The following ZNF804B variants were observed in gnomAD, a reference collection of about 807,000 sequenced individuals.
The protein encoded by ZNF804B is zinc finger protein 804B.
ZNF804B carries 80 observed loss-of-function variants against 101.4 expected under a neutral mutation model. The ratio of observed to expected loss-of-function variants is 0.79; its 90% CI spans 0.66 to 0.95. ZNF804B has a LOEUF of 0.95. Among genes scored for constraint, ZNF804B ranks in the 40% least tolerant of loss-of-function variants. The pLI, the probability that ZNF804B is intolerant of heterozygous loss-of-function variation, is 0.00. For synonymous variants in ZNF804B, 622 were observed against 558.8 expected, an observed-to-expected ratio of 1.11 and a Z score of -1.59; for missense variants, 1,673 against 1,561.9, an observed-to-expected ratio of 1.07 and a Z score of -1.20.
intron 1 of ZNF804B, among the ~76,000 whole-genome samples, chr7:89,072,689 T>C (rs1789559664): frequency 1.3e-5 from 2 of 152,158 alleles, no homozygotes; most frequent in African/African-American, 2.4e-5. Flanking sequence ...CATGAGACTA[T>C]GTAAATATAA....
chr7:89,203,078 C>T (rs892741931), intron 1 of ZNF804B, among the ~76,000 whole-genome samples: 1 of 152,022 alleles, frequency 6.6e-6, no homozygotes, highest in Non-Finnish European at 1.5e-5. Flanking sequence ...TGGAGCCCAA[C>T]TCAGTATGGC....
chr7:89,030,415 A>G (rs1788811916), intron 1 of ZNF804B, among the ~76,000 whole-genome samples: 1 of 152,156 alleles, frequency 6.6e-6, no homozygotes, highest in African/African-American at 2.4e-5. Context: ...TAATATTGCT[A>G]TATCAGAGAG....
chr7:88,809,516 C>G (rs1206848160), intron 1 of ZNF804B, among the ~76,000 whole-genome samples: 1 of 151,972 alleles, frequency 6.6e-6, no homozygotes, highest in Non-Finnish European at 1.5e-5. Context: ...AAAATTGGGC[C>G]AATGATCAAT....
chr7:88,941,382 GATAA>G (rs995919560), intron 1 of ZNF804B, among the ~76,000 whole-genome samples: 13 of 152,056 alleles, frequency 8.5e-5, no homozygotes, highest in Middle Eastern at 3.4e-3. Flanking sequence ...TCGTTGAGTG[GATAA>G]ATAAACTGTA....
chr7:88,980,024 A>G (rs1013087766), intron 1 of ZNF804B, among the ~76,000 whole-genome samples: 3 of 150,602 alleles, frequency 2.0e-5, no homozygotes, highest in Non-Finnish European at 3.0e-5. Flanking sequence ...ATTCTTTAGT[A>G]TATAAGTTGG....
At chr7:89,099,655 T>C (rs1018343554) in intron 1 of ZNF804B, among the ~76,000 whole-genome samples, 1 of 152,174 alleles carries the variant, frequency 6.6e-6, no homozygotes, top group African/African-American at 2.4e-5. Flanking sequence ...TTTGGGGGTT[T>C]TTAGAGCTCT....
At chr7:88,862,426 A>G (rs1477887149) in intron 1 of ZNF804B, among the ~76,000 whole-genome samples, 1 of 152,150 alleles carries the variant, frequency 6.6e-6, no homozygotes, top group Non-Finnish European at 1.5e-5. Context: ...CCTAGGAATA[A>G]TGATGGAGGT....
intron 1 of ZNF804B, among the ~76,000 whole-genome samples, chr7:88,952,710 C>T (rs1793243687): frequency 1.3e-5 from 2 of 151,790 alleles, no homozygotes; most frequent in African/African-American, 2.4e-5. Flanking sequence ...AAACAAAAGA[C>T]ACCGTAATCT....
chr7:89,009,199 G>A (rs373866560), intron 1 of ZNF804B, among the ~76,000 whole-genome samples: 1 of 152,026 alleles, frequency 6.6e-6, no homozygotes, highest in South Asian at 2.1e-4. Flanking sequence ...CTATAACACA[G>A]CACTTTCTTG....
chr7:88,954,919 G>C (rs1026404919), intron 1 of ZNF804B, among the ~76,000 whole-genome samples: 2 of 151,530 alleles, frequency 1.3e-5, no homozygotes, highest in Admixed American at 6.6e-5. Context: ...GAATTATTAA[G>C]TATAGCGAGG....
In ZNF804B at chr7:89,330,849, A is replaced by G. The variant is rs948287055; in HGVS notation, c.381-2514A>G. On this transcript the variant is annotated intron_variant, in intron 3 of 3. Coordinates refer to ENST00000333190, the MANE Select transcript of ZNF804B (RefSeq NM_181646.5). ...GAGCAAAGAAATTTTAAAATATTTA[A>G]AAGAATGTAAAAAGAAGAAGCTTGC... Among the ~76,000 whole-genome samples the G allele has an allele frequency of 5.9e-5, 9 of 151,304 alleles. No homozygotes were observed. The South Asian group carries it at 6.2e-4, about 10-fold the overall frequency.
chr7:89,020,271 T>C (rs997480498), intron 1 of ZNF804B, among the ~76,000 whole-genome samples: 3 of 152,132 alleles, frequency 2.0e-5, no homozygotes, highest in African/African-American at 7.2e-5. Flanking sequence ...TTTTAGTTTT[T>C]CCTTGCCAGG....
intron 1 of ZNF804B, among the ~76,000 whole-genome samples, chr7:89,061,614 G>A (rs552352718): frequency 5.9e-5 from 9 of 152,140 alleles, no homozygotes; most frequent in East Asian, 3.9e-4. Flanking sequence ...AGTTCTAACC[G>A]TGTCATATCC....
intron 1 of ZNF804B, among the ~76,000 whole-genome samples, chr7:88,880,239 A>G (rs1198029745): frequency 6.6e-6 from 1 of 152,184 alleles, no homozygotes; most frequent in Non-Finnish European, 1.5e-5. Flanking sequence ...GCAGTTTGTA[A>G]TCTGAATTGT....
chr7:88,866,510 G>A (rs1254095060), intron 1 of ZNF804B, among the ~76,000 whole-genome samples: 1 of 152,174 alleles, frequency 6.6e-6, no homozygotes, highest in Non-Finnish European at 1.5e-5. Context: ...TTGTGAGAAT[G>A]ACTAATCTAG....
At chr7:89,278,379 C>A (rs1447361856) in intron 2 of ZNF804B, among the ~76,000 whole-genome samples, 2 of 150,902 alleles carry the variant, frequency 1.3e-5, no homozygotes, top group East Asian at 1.9e-4. Context: ...TCAATTTTGG[C>A]TTTTGTTGCC....
chr7:88,993,475 T>C (rs1424676618), intron 1 of ZNF804B, among the ~76,000 whole-genome samples: 1 of 151,986 alleles, frequency 6.6e-6, no homozygotes, highest in Non-Finnish European at 1.5e-5. Context: ...AAATACCTTG[T>C]TTATTCACTA....
chr7:89,074,045 A>G (rs1379535432), intron 1 of ZNF804B, among the ~76,000 whole-genome samples: 1 of 152,130 alleles, frequency 6.6e-6, no homozygotes, highest in Non-Finnish European at 1.5e-5. Flanking sequence ...AGGAATATTG[A>G]GGGAAGTAAA....
At chr7:88,857,266 C>T (rs1338236506) in intron 1 of ZNF804B, among the ~76,000 whole-genome samples, 1 of 151,956 alleles carries the variant, frequency 6.6e-6, no homozygotes, top group East Asian at 1.9e-4. Flanking sequence ...AAGATCAGAG[C>T]AGAACTGACA....
Sources: allele counts gnomAD v4.1 joint callset (sites outside exome capture counted in the v4.1 genomes callset), GRCh38; gene constraint gnomAD v4.1.1; transcripts MANE v1.5; gene names NCBI Gene and HGNC (gene_info 2026-07-23, HGNC 2026-07-21).